LPAR6: variants seen among roughly 807,000 people sequenced by gnomAD.
LPAR6 encodes G-protein coupled purinergic receptor P2Y5.
LPAR6 carries 17 observed loss-of-function variants against 22.0 expected under a neutral mutation model. The observed-to-expected ratio is 0.77, with a 90% CI of 0.53 to 1.16. The LOEUF is 1.16. Ranked by LOEUF, LPAR6 falls within the 50% of genes most tolerant of loss-of-function variation. LPAR6 has a pLI of 0.00. For missense variants in LPAR6, 384 were observed against 406.9 expected (o/e 0.94, Z 0.48); for synonymous variants, 136 against 139.8 (o/e 0.97, Z 0.19).
intron 1 of LPAR6, among the ~76,000 whole-genome samples, chr13:48,391,768 G>A (rs1052138491): frequency 1.1e-4 from 16 of 151,876 alleles, no homozygotes; most frequent in African/African-American, 3.1e-4. Context: ...ACAGGCACAC[G>A]CCACCATGCC....
At chr13:48,425,667 A>G (rs1949069134) in intron 1 of LPAR6, among the ~76,000 whole-genome samples, 1 of 151,934 alleles carries the variant, frequency 6.6e-6, no homozygotes, top group Non-Finnish European at 1.5e-5. Flanking sequence ...AGCCTGGGCA[A>G]TATAGAGAGT....
intron 2 of LPAR6, among the ~76,000 whole-genome samples, chr13:48,420,215 T>G (rs982832970): frequency 1.3e-5 from 2 of 152,226 alleles, no homozygotes; most frequent in Non-Finnish European, 2.9e-5. Flanking sequence ...ATCCCTGGGA[T>G]GCAAGGCTGG....
At chr13:48,418,140 G>T (rs1286637469) in intron 2 of LPAR6, among the ~76,000 whole-genome samples, 1 of 152,118 alleles carries the variant, frequency 6.6e-6, no homozygotes, top group Non-Finnish European at 1.5e-5. Context: ...AGAAAGGTCG[G>T]GTTACCTACA....
chr13:48,421,773 A>G (rs1328059384), intron 2 of LPAR6, among the ~76,000 whole-genome samples: 3 of 152,262 alleles, frequency 2.0e-5, no homozygotes, highest in African/African-American at 7.2e-5. Context: ...ACAAAAGCTC[A>G]TCATCAGCGG....
intron 1 of LPAR6, among the ~76,000 whole-genome samples, chr13:48,437,665 C>T (rs1036816646): frequency 1.3e-5 from 2 of 152,148 alleles, no homozygotes; most frequent in East Asian, 1.9e-4. Flanking sequence ...TGAGCCTCTC[C>T]GTAGGGCTAC....
intron 2 of LPAR6, among the ~76,000 whole-genome samples, chr13:48,420,301 A>G (rs1056629806): frequency 5.3e-5 from 8 of 152,250 alleles, no homozygotes; most frequent in Admixed American, 2.0e-4. Context: ...GATTATGTCA[A>G]TAGATGCAGA....
At position 48,420,384 on chromosome 13, in the gene LPAR6, T is replaced by A. The variant is rs945399295; in HGVS notation, c.-954+2266A>T. Among the ~76,000 whole-genome samples, 4 of 152,156 alleles carry A rather than the reference T, an allele frequency of 2.6e-5. No homozygotes were observed. The South Asian group carries it at 8.3e-4, about 31-fold the overall frequency. ...ATAAACTTCATATTGATGGAATGTA[T>A]CTCAAAATAATAAGAGCTATTTATG... On this transcript the variant is annotated intron_variant, in intron 2 of 4. Coordinates refer to the LPAR6 transcript ENST00000345941.
exon 2 of LPAR6, chr13:48,389,639 G>C (rs748215103): frequency 6.6e-6 from 1 of 152,080 alleles, no homozygotes; most frequent in Non-Finnish European, 1.5e-5. Context: ...AACTTGACTG[G>C]GTGGTTTGTC....
chr13:48,440,933 T>C (rs957587014), intron 1 of LPAR6, among the ~76,000 whole-genome samples: 4 of 152,154 alleles, frequency 2.6e-5, no homozygotes, highest in African/African-American at 9.7e-5. Context: ...TTGCTTATAA[T>C]TAAAATGTAG....
In LPAR6 at chr13:48,403,320, C is replaced by T. The variant is rs530619572; in HGVS notation, n.114+12380G>A. ...CACACACTTCTACCTCCTTTCTCCCCGCAAACCCTACAGAAGTGACAAAAA... is the reference window on the plus strand; with the variant it reads ...CACACACTTCTACCTCCTTTCTCCCTGCAAACCCTACAGAAGTGACAAAAA... On this transcript the variant is annotated intron_variant and non_coding_transcript_variant, in intron 1 of 1. Coordinates refer to the LPAR6 transcript ENST00000462781. Among the ~76,000 whole-genome samples, 459 of 152,078 alleles carry T rather than the reference C, an allele frequency of 3.0e-3. 2 individuals are homozygous for T. The highest frequency in any genetic ancestry group is 5.4e-3 in the Non-Finnish European group (364 of 67,954).
At chr13:48,430,347 C>T (rs1271550970), upstream of LPAR6, among the ~76,000 whole-genome samples, 2 of 151,926 alleles carry the variant, frequency 1.3e-5, no homozygotes, top group East Asian at 3.9e-4. Context: ...ATTCTTTATA[C>T]CAAAATAAAT....
At chr13:48,393,025 C>T (rs1205834078) in intron 1 of LPAR6, among the ~76,000 whole-genome samples, 2 of 152,226 alleles carry the variant, frequency 1.3e-5, no homozygotes, top group Non-Finnish European at 2.9e-5. Context: ...CTTCACTATC[C>T]AGGCATTGCT....
chr13:48,397,067 C>T (rs1593466281), intron 1 of LPAR6, among the ~76,000 whole-genome samples: 1 of 151,958 alleles, frequency 6.6e-6, no homozygotes, highest in Non-Finnish European at 1.5e-5. Context: ...TTAGTTCAAC[C>T]ATTGTGGAAG....
chr13:48,408,916 T>C (rs1593476765), downstream of LPAR6: 1 of 152,252 alleles, frequency 6.6e-6, no homozygotes, highest in East Asian at 1.9e-4. Context: ...TTCTGAGAAA[T>C]CTCAAAGTTA....
chr13:48,409,655 A>T (rs1009193291), downstream of LPAR6, among the ~76,000 whole-genome samples: 3 of 128,018 alleles, frequency 2.3e-5, no homozygotes, highest in African/African-American at 9.1e-5. Flanking sequence ...ATCTTGGCTC[A>T]CTGCAACCTC....
chr13:48,434,599 C>T (rs1437794749), intron 1 of LPAR6, among the ~76,000 whole-genome samples: 1 of 152,132 alleles, frequency 6.6e-6, no homozygotes. Flanking sequence ...AGCCCAGGAA[C>T]ACCAGGCCTG....
At position 48,412,636 on chromosome 13, in the gene LPAR6, A is replaced by G; in HGVS notation, c.-213T>C. 1.7e-6 allele frequency: 1 copy of G among 593,376 alleles called. No homozygotes were observed. Among genetic ancestry groups the G allele is most frequent in the Non-Finnish European group, 3.1e-6 (1 of 325,780 alleles). 36.8% of individuals were successfully genotyped at this position (593,376 alleles called of 1,614,324 possible). On this transcript the variant is annotated 5_prime_UTR_variant, in exon 1 of 1. Transcript: ENST00000620633. ...TTCCGCTGGGTTCTTCAACAGGAAA[A>G]TATTTTCATTTGTTAGTCTTTAGAA...
intron 1 of LPAR6, among the ~76,000 whole-genome samples, chr13:48,396,067 C>G (rs1310592401): frequency 6.6e-6 from 1 of 152,198 alleles, no homozygotes; most frequent in Non-Finnish European, 1.5e-5. Flanking sequence ...AATGGCCATA[C>G]TGCCCACAGT....
intron 1 of LPAR6, among the ~76,000 whole-genome samples, chr13:48,423,279 GT>G (rs1158670749): frequency 3.9e-5 from 6 of 151,964 alleles, no homozygotes; most frequent in Admixed American, 6.6e-5. Flanking sequence ...TTTTGTTTTT[GT>G]TTTTGTGTTT....
Sources: allele counts gnomAD v4.1 joint callset (sites outside exome capture counted in the v4.1 genomes callset), GRCh38; gene constraint gnomAD v4.1.1; transcripts MANE v1.5; gene names NCBI Gene and HGNC (gene_info 2026-07-23, HGNC 2026-07-21).